LSM6: variants seen among roughly 807,000 people sequenced by gnomAD.
LSM6 encodes LSM6 homolog, U6 small nuclear RNA and mRNA degradation associated, also known as U6 snRNA-associated Sm-like protein LSm6.
A neutral mutation model predicts 13.5 loss-of-function variants in LSM6; 2 were observed. That is an observed-to-expected ratio of 0.15 (90% CI 0.06 to 0.47). The LOEUF (loss-of-function observed/expected upper bound fraction) is 0.47, where lower values mean the gene tolerates loss of function less well. LSM6 is among the 20% of genes least tolerant of loss of function. The pLI is 0.97. For synonymous variants in LSM6, 43 were observed against 34.9 expected (o/e 1.23, Z -0.82); for missense variants, 58 against 96.4 (o/e 0.60, Z 1.67).
At chr4:146,179,182 A>G (rs1280293293) in intron 1 of LSM6, among the ~76,000 whole-genome samples, 1 of 152,206 alleles carries the variant, frequency 6.6e-6, no homozygotes, top group Non-Finnish European at 1.5e-5. Flanking sequence ...GAGAGGAGGT[A>G]TAGAGAGTGA....
chr4:146,179,896 A>T (rs76955676), intron 1 of LSM6, among the ~76,000 whole-genome samples: 2,567 of 152,238 alleles, frequency 0.017, 87 homozygotes, highest in African/African-American at 0.059. Context: ...GCTGGCTCCT[A>T]CCCCAGAACT....
intron 2 of LSM6, among the ~76,000 whole-genome samples, chr4:146,184,416 T>C (rs550468111): frequency 2.6e-5 from 4 of 152,326 alleles, no homozygotes; most frequent in African/African-American, 9.6e-5. Flanking sequence ...AAGTTCAGGC[T>C]CGGCTCATAA....
intron 1 of LSM6, chr4:146,176,794 C>T (rs918619661): frequency 6.6e-6 from 1 of 152,006 alleles, no homozygotes; most frequent in Admixed American, 6.5e-5. Context: ...ATTTTTACAT[C>T]ATCTTAGCAT....
intron 1 of LSM6, among the ~76,000 whole-genome samples, chr4:146,180,106 C>G (rs1730201175): frequency 6.6e-6 from 1 of 152,220 alleles, no homozygotes; most frequent in Non-Finnish European, 1.5e-5. Context: ...GGGGGTGACG[C>G]CTTTTCCTTC....
At chr4:146,187,415 C>A in intron 3 of LSM6, 28 bp downstream of exon 3, 1 of 1,359,210 alleles carries the variant, frequency 7.4e-7, no homozygotes, top group Non-Finnish European at 1.1e-6. Context: ...TACAGTACAG[C>A]ATTCAAAATA....
At chr4:146,179,693 G>T (rs924846407) in intron 1 of LSM6, among the ~76,000 whole-genome samples, 1 of 152,210 alleles carries the variant, frequency 6.6e-6, no homozygotes, top group African/African-American at 2.4e-5. Flanking sequence ...AGAGGGCATA[G>T]TGACAGGTTA....
intron 3 of LSM6, among the ~76,000 whole-genome samples, 176 bp from the exon 4 acceptor site, chr4:146,189,446 G>T (rs1730420712): frequency 6.6e-6 from 1 of 152,048 alleles, no homozygotes; most frequent in Non-Finnish European, 1.5e-5. Flanking sequence ...ATCAAACCTG[G>T]GTGTAGATTC....
chr4:146,184,556 T>C (rs769310311), intron 2 of LSM6, among the ~76,000 whole-genome samples: 29 of 152,178 alleles, frequency 1.9e-4, no homozygotes, highest in Admixed American at 2.6e-4. Context: ...GGTAGTATAA[T>C]GTCTCCGTGT....
intron 2 of LSM6, among the ~76,000 whole-genome samples, chr4:146,186,146 A>C (rs1235055276): frequency 2.0e-5 from 3 of 152,254 alleles, no homozygotes; most frequent in African/African-American, 7.2e-5. Flanking sequence ...AAAATAGTAC[A>C]GCAGGAAACG....
intron 1 of LSM6, among the ~76,000 whole-genome samples, chr4:146,178,062 A>C (rs777307487): frequency 3.9e-5 from 6 of 152,186 alleles, no homozygotes; most frequent in African/African-American, 1.4e-4. Flanking sequence ...GGTGCTCATA[A>C]TAGAGATTAC....
At chr4:146,185,882 A>C (rs1578680960) in intron 2 of LSM6, among the ~76,000 whole-genome samples, 1 of 151,894 alleles carries the variant, frequency 6.6e-6, no homozygotes, top group Non-Finnish European at 1.5e-5. Context: ...GATTACAGGC[A>C]CCTGCCACCA....
At chr4:146,188,899 T>C (rs1291597191) in intron 3 of LSM6, among the ~76,000 whole-genome samples, 13 of 152,146 alleles carry the variant, frequency 8.5e-5, no homozygotes, top group Admixed American at 7.2e-4. Flanking sequence ...AGAGTTTGTA[T>C]TGGGGAGACA....
chr4:146,176,842 T>G (rs1471837624), intron 1 of LSM6, among the ~76,000 whole-genome samples: 1 of 152,136 alleles, frequency 6.6e-6, no homozygotes, highest in Non-Finnish European at 1.5e-5. Context: ...TCCCCCTATT[T>G]TTTAGATTAT....
At chr4:146,183,843 C>T (rs1026036632) in intron 2 of LSM6, among the ~76,000 whole-genome samples, 1 of 148,972 alleles carries the variant, frequency 6.7e-6, no homozygotes, top group African/African-American at 2.5e-5. Flanking sequence ...GTGCACCCGT[C>T]ACCTGAGCAC....
Position 146,183,235 on chromosome 4 carries a change from C to T in LSM6, c.94+220C>T. 3 of 415,718 alleles carry T rather than the reference C, an allele frequency of 7.2e-6. No individual in the cohort carries two copies. The South Asian group carries it at 7.5e-5, about 10-fold the overall frequency. 25.8% of individuals were successfully genotyped at this position (415,718 alleles called of 1,614,324 possible). On this transcript the variant is annotated intron_variant, in intron 2 of 3. Transcript: ENST00000296581. ...CTGCCTTTCAGTGTGATTTGTGTGA[C>T]TTCTGTCTCCTGTCTCTGCTTTGAG...
chr4:146,183,507 A>G (rs1166409164), intron 2 of LSM6: 1 of 152,610 alleles, frequency 6.6e-6, no homozygotes, highest in Non-Finnish European at 1.5e-5. Flanking sequence ...TGGAGAGAAT[A>G]TTATTTTTAA....
At chr4:146,176,828 C>CT (rs920357100) in intron 1 of LSM6, 29 of 152,006 alleles carry the variant, frequency 1.9e-4, no homozygotes, top group African/African-American at 7.0e-4. Context: ...TTGATAAACT[C>CT]TTTTCCCCCT....
rs1024235548 is a variant in LSM6 at position 146,191,026 on chromosome 4, G to C, written c.*1370G>C. ...ACAATTATTTTTTAATTAATAACTT[G>C]GGAAAGGTGAACAGAAGCATTTCAC... On this transcript the variant is annotated 3_prime_UTR_variant, in exon 4 of 4. Coordinates refer to ENST00000296581, the MANE Select transcript of LSM6 (RefSeq NM_007080.3). The C allele has an allele frequency of 6.6e-6, 1 of 152,128 alleles. No homozygotes were observed. Among genetic ancestry groups the C allele is most frequent in the Non-Finnish European group, 1.5e-5 (1 of 68,026 alleles). The allele number at this position is 152,128 out of a possible 1,614,324, so 9.4% of individuals were successfully genotyped here.
chr4:146,177,552 A>G (rs372647786), intron 1 of LSM6, among the ~76,000 whole-genome samples: 8 of 152,242 alleles, frequency 5.3e-5, no homozygotes, highest in African/African-American at 1.9e-4. Flanking sequence ...GTTAGAATGT[A>G]GCTTTTGGTT....
Sources: allele counts gnomAD v4.1 joint callset (sites outside exome capture counted in the v4.1 genomes callset), GRCh38; gene constraint gnomAD v4.1.1; transcripts MANE v1.5; gene names NCBI Gene and HGNC (gene_info 2026-07-23, HGNC 2026-07-21).